The following DNA2 variants were observed in gnomAD, a reference collection of about 807,000 sequenced individuals.
DNA2 encodes the protein DNA replication helicase/nuclease 2.
Under a neutral mutation model 119.1 loss-of-function variants are expected in DNA2, and 101 were observed. The observed-to-expected ratio is 0.85, with a 90% confidence interval of 0.72 to 1.00. The LOEUF is 1.00. DNA2 is among the 50% of genes least tolerant of loss of function. The pLI is 0.00. For missense variants in DNA2, 1,121 were observed against 1,255.5 expected, an observed-to-expected ratio of 0.89 and a Z score of 1.62; for synonymous variants, 366 against 424.4, an observed-to-expected ratio of 0.86 and a Z score of 1.69.
chr10:68,423,064 A>G (rs2051687868), intron 14 of DNA2, among the ~76,000 whole-genome samples, 174 bp from the exon 15 acceptor site: 1 of 152,192 alleles, frequency 6.6e-6, no homozygotes. Context: ...TTTTTCTACA[A>G]ATTAAAAATA....
chr10:68,432,009 T>C, intron 12 of DNA2, 38 bp from the exon 13 acceptor site: 1 of 1,480,580 alleles, frequency 6.8e-7, no homozygotes. Flanking sequence ...AAAAGAGTGT[T>C]GAATTTCAAA....
chr10:68,436,733 G>A (rs1434260779), intron 10 of DNA2: 1 of 262,532 alleles, frequency 3.8e-6, no homozygotes, highest in African/African-American at 2.2e-5. Flanking sequence ...GAGATGTCCA[G>A]AATGGGCAAA....
rs2051567113 is a variant in DNA2, at chr10:68,414,783, T to C, written c.*256A>G. The stretch of plus-strand genomic sequence containing the variant: ...AAAATCAAATTAGTCCTGAAATGTC[T>C]GACTTAAAAGTTTAAAGCTCAAAGT... On this transcript the variant is annotated 3_prime_UTR_variant, in exon 21 of 21. Coordinates refer to ENST00000358410, the MANE Select transcript of DNA2 (RefSeq NM_001080449.3). 2 of 364,162 alleles carry C rather than the reference T, an allele frequency of 5.5e-6. No homozygotes were observed. Among genetic ancestry groups the C allele is most frequent in the Non-Finnish European group, 1.0e-5 (2 of 196,736 alleles). The allele number at this position is 364,162 out of a possible 1,614,324, so 22.6% of individuals were successfully genotyped here.
At chr10:68,466,926 T>C (rs933860941) in intron 3 of DNA2, among the ~76,000 whole-genome samples, 3 of 151,938 alleles carry the variant, frequency 2.0e-5, no homozygotes, top group African/African-American at 7.3e-5. Flanking sequence ...CAGTAGCTCA[T>C]GCCTATAGTC....
intron 10 of DNA2, 181 bp downstream of exon 10, chr10:68,436,830 C>T: frequency 1.8e-6 from 1 of 556,488 alleles, no homozygotes; most frequent in Non-Finnish European, 3.1e-6. Flanking sequence ...GGGTATAGGG[C>T]TTCTTCCTTG....
chr10:68,447,258 C>T (rs1020263543), intron 6 of DNA2, among the ~76,000 whole-genome samples: 1 of 152,078 alleles, frequency 6.6e-6, no homozygotes, highest in Non-Finnish European at 1.5e-5. Context: ...TGGCTCATGA[C>T]TATACTCCCA....
At chr10:68,449,110 A>C (rs1190404397) in intron 6 of DNA2, among the ~76,000 whole-genome samples, 1 of 152,044 alleles carries the variant, frequency 6.6e-6, no homozygotes, top group East Asian at 1.9e-4. Flanking sequence ...AAATGCTTTT[A>C]TATTTCTCTC....
upstream of DNA2, among the ~76,000 whole-genome samples, chr10:68,472,519 G>A (rs545430399): frequency 5.9e-4 from 90 of 152,290 alleles, no homozygotes; most frequent in Middle Eastern, 6.8e-3. Flanking sequence ...AGGATCACGA[G>A]GTCAGCAGTT....
chr10:68,471,999 G>A (rs755179424), upstream of DNA2: 3 of 1,610,898 alleles, frequency 1.9e-6, no homozygotes, highest in Non-Finnish European at 2.5e-6. Context: ...TGTCCCAAAT[G>A]ACCTGCGCCA....
chr10:68,454,814 T>A (rs915722405), intron 5 of DNA2, among the ~76,000 whole-genome samples: 9 of 144,864 alleles, frequency 6.2e-5, no homozygotes, highest in African/African-American at 2.0e-4. Flanking sequence ...TCAAAAAAAA[T>A]AATAAATTTC....
intron 18 of DNA2, 61 bp downstream of exon 18, chr10:68,419,742 C>G: frequency 1.6e-6 from 2 of 1,244,458 alleles, no homozygotes; most frequent in Non-Finnish European, 2.4e-6. Context: ...AAGTGTCTTA[C>G]AGTCTAACAT....
At chr10:68,415,329 T>G (rs190866242) in intron 20 of DNA2, among the ~76,000 whole-genome samples, 401 of 151,120 alleles carry the variant, frequency 2.7e-3, no homozygotes, top group Non-Finnish European at 4.8e-3. Flanking sequence ...CAGGCTGGAG[T>G]GCAATGGTGC....
At chr10:68,457,306 C>A (rs2052197940) in intron 5 of DNA2, among the ~76,000 whole-genome samples, 1 of 152,216 alleles carries the variant, frequency 6.6e-6, no homozygotes, top group African/African-American at 2.4e-5. Context: ...ACTGCACACA[C>A]AGCTAGTATG....
At chr10:68,472,185 C>T (rs2052391845), upstream of DNA2, 2 of 1,278,428 alleles carry the variant, frequency 1.6e-6, no homozygotes, top group African/African-American at 1.5e-5. Flanking sequence ...TCCGAAACCT[C>T]CCGGGTTCAC....
At position 68,414,996 on chromosome 10, in the gene DNA2, A is replaced by G; in HGVS notation, c.*43T>C. 2 of 1,265,086 alleles carry G rather than the reference A, an allele frequency of 1.6e-6. No individual in the cohort carries two copies. Among genetic ancestry groups the G allele is most frequent in the Non-Finnish European group, 2.3e-6 (2 of 886,500 alleles). The allele number at this position is 1,265,086 out of a possible 1,614,324, so 78.4% of individuals were successfully genotyped here. ...AATTTTCTGTATGGGCACTAGCTAG[A>G]GGAGATACTGCCCTAGTATGAAAAG... On this transcript the variant is annotated 3_prime_UTR_variant, in exon 21 of 21. Transcript: ENST00000358410.
intron 1 of DNA2, 80 bp from the exon 2 acceptor site, chr10:68,470,243 T>C: frequency 1.6e-6 from 2 of 1,247,698 alleles, no homozygotes; most frequent in East Asian, 2.5e-5. Context: ...TACAAACCAA[T>C]CTTCCAGTTT....
chr10:68,425,150 A>G (rs1355573561), intron 14 of DNA2, among the ~76,000 whole-genome samples: 1 of 129,656 alleles, frequency 7.7e-6, no homozygotes, highest in Non-Finnish European at 1.5e-5. Flanking sequence ...GCTGGAGTGC[A>G]GTGGCATTAT....
intron 5 of DNA2, among the ~76,000 whole-genome samples, chr10:68,453,813 G>A (rs114499078): frequency 0.022 from 3,383 of 152,246 alleles, 123 homozygotes; most frequent in African/African-American, 0.077. Context: ...GTTTGCACAA[G>A]TACACTCTGA....
Position 68,438,888 on chromosome 10 carries a change from C to T in DNA2, c.1416-1647G>A, listed in dbSNP as rs935045222. Among the ~76,000 whole-genome samples, 15 of 151,514 alleles carry T rather than the reference C, an allele frequency of 9.9e-5. No homozygotes were observed. The Admixed American group carries it at 9.9e-4, about 10-fold the overall frequency. On this transcript the variant is annotated intron_variant, in intron 9 of 20. Coordinates refer to ENST00000358410, the MANE Select transcript of DNA2 (RefSeq NM_001080449.3). ...ATCTCTACTAAAAATACAAAATTAG[C>T]CAGGCATGGTGGCAAGCACCTGTAA...
Sources: gnomAD v4.1 joint callset for allele counts (sites outside exome capture counted in the v4.1 genomes callset) on GRCh38, gnomAD v4.1.1 for gene constraint, MANE v1.5 for transcripts, NCBI Gene and HGNC (gene_info 2026-07-23, HGNC 2026-07-21) for gene names.